The following AGAP4 variants were observed in gnomAD, a reference collection of about 807,000 sequenced individuals.
The protein encoded by AGAP4 is ArfGAP with GTPase domain, ankyrin repeat and PH domain 4.
Under a neutral mutation model 60.7 loss-of-function variants are expected in AGAP4, and 13 were observed. The ratio of observed to expected loss-of-function variants is 0.21; its 90% CI spans 0.14 to 0.34. The LOEUF (loss-of-function observed/expected upper bound fraction) is 0.34. AGAP4 is among the 10% of genes least tolerant of loss of function. The pLI is 1.00. For synonymous variants in AGAP4, 70 were observed against 339.0 expected (o/e 0.21, Z 8.72); for missense variants, 169 against 884.0 (o/e 0.19, Z 10.26).
In AGAP4 at chr10:45,831,388, G is replaced by T; in HGVS notation, c.533+6C>A. On this transcript the variant is annotated splice_donor_region_variant and intron_variant, in intron 6 of 7. Coordinates refer to ENST00000616763, the MANE Select transcript of AGAP4 (RefSeq NM_001276343.3). Reference sequence around the variant, plus strand: ...GAATAACAAGACAGGTTTCTAAAAAGCTCACCTTTGTGTGATATGATGAGG... The same window carrying T: ...GAATAACAAGACAGGTTTCTAAAAATCTCACCTTTGTGTGATATGATGAGG... The T allele has an allele frequency of 6.3e-7, 1 of 1,585,330 alleles. No homozygotes were observed. Among genetic ancestry groups the T allele is most frequent in the Non-Finnish European group, 8.5e-7 (1 of 1,170,866 alleles).
intron 4 of AGAP4, among the ~76,000 whole-genome samples, chr10:45,834,536 G>A (rs1172646528): frequency 1.7e-5 from 2 of 114,744 alleles, no homozygotes; most frequent in South Asian, 3.3e-4. Flanking sequence ...TTAGCCGGGC[G>A]TGGTAGCAGG....
At chr10:45,848,016 A>G (rs2059028516), upstream of AGAP4, 9 of 997,374 alleles carry the variant, frequency 9.0e-6, no homozygotes, top group Non-Finnish European at 1.1e-5. Context: ...TTCTATACAA[A>G]GCCTCAGTAG....
upstream of AGAP4, chr10:45,848,061 T>C: frequency 2.0e-6 from 2 of 991,470 alleles, no homozygotes; most frequent in Non-Finnish European, 2.4e-6. Context: ...TGAACAACTT[T>C]TATTTGCTGA....
At chr10:45,841,331 A>G (rs2058914847) in intron 4 of AGAP4, among the ~76,000 whole-genome samples, 1 of 148,870 alleles carries the variant, frequency 6.7e-6, no homozygotes, top group Non-Finnish European at 1.5e-5. Flanking sequence ...CAAATTCCTG[A>G]CCTCAGATGA....
intron 4 of AGAP4, among the ~76,000 whole-genome samples, chr10:45,838,092 T>C (rs1173263512): frequency 3.7e-3 from 551 of 149,816 alleles, no homozygotes; most frequent in Middle Eastern, 0.01. Context: ...TATATATATA[T>C]ATATGAGGAA....
chr10:45,843,719 GC>G (rs2058956444), intron 3 of AGAP4, among the ~76,000 whole-genome samples: 1 of 141,154 alleles, frequency 7.1e-6, no homozygotes, highest in African/African-American at 2.8e-5. Context: ...TGGCTTGTTG[GC>G]AAATAAATGA....
At chr10:45,849,173 C>A (rs1398848901), upstream of AGAP4, among the ~76,000 whole-genome samples, 3 of 149,042 alleles carry the variant, frequency 2.0e-5, no homozygotes, top group African/African-American at 7.4e-5. Context: ...CTGCAGTGAG[C>A]CAAGATCGTG....
chr10:45,829,331 C>CT (rs1342795180), intron 6 of AGAP4, among the ~76,000 whole-genome samples: 2,444 of 134,112 alleles, frequency 0.018, 152 homozygotes, highest in Non-Finnish European at 0.024. Flanking sequence ...ACCAGAAGCG[C>CT]TTTTTTTTTT....
chr10:45,831,315 G>C, intron 6 of AGAP4, 79 bp downstream of exon 6: 6 of 1,499,650 alleles, frequency 4.0e-6, no homozygotes, highest in Admixed American at 1.7e-5. Flanking sequence ...ATGATGTCTA[G>C]AGCTGTGACC....
chr10:45,831,893 C>G lies in AGAP4; in HGVS notation c.498-464G>C, dbSNP rs560844004. On this transcript the variant is annotated intron_variant, in intron 5 of 7. Coordinates refer to ENST00000616763, the MANE Select transcript of AGAP4 (RefSeq NM_001276343.3). ...AAGCTGGGACTACAAGTTTGTGCCA[C>G]TATGCCCAGATAATGTTTTTTTGGG... is the stretch of plus-strand genomic sequence containing the variant. Among the ~76,000 whole-genome samples the G allele has an allele frequency of 4.1e-5, 6 of 147,606 alleles. 1 individual carries two copies. The highest frequency in any genetic ancestry group is 1.5e-4 in the African/African-American group (6 of 40,094).
chr10:45,828,535 C>T (rs2058680775), intron 6 of AGAP4, among the ~76,000 whole-genome samples: 1 of 147,404 alleles, frequency 6.8e-6, no homozygotes, highest in African/African-American at 2.5e-5. Context: ...ACTCATCTGC[C>T]TTTTTAAGAC....
intron 4 of AGAP4, among the ~76,000 whole-genome samples, chr10:45,837,532 T>C (rs1225323748): frequency 2.0e-5 from 3 of 149,590 alleles, no homozygotes; most frequent in African/African-American, 4.9e-5. Context: ...CATACACCAA[T>C]GGAACAGAAT....
rs1395609234 is a variant in AGAP4 at position 45,846,895 on chromosome 10, C to G, written c.224-140G>C. The stretch of plus-strand genomic sequence containing the variant: ...AGCCTGGGAGAATGAGATGAGAGAG[C>G]AAGAACTGGGCGATTGGGAGGGGAG... On this transcript the variant is annotated intron_variant, in intron 1 of 7. Coordinates refer to ENST00000616763, the MANE Select transcript of AGAP4 (RefSeq NM_001276343.3). 13 of 1,144,278 alleles carry G rather than the reference C, an allele frequency of 1.1e-5. No homozygotes were observed. The African/African-American group carries it at 1.9e-4, about 17-fold the overall frequency. 70.9% of individuals were successfully genotyped at this position (1,144,278 alleles called of 1,614,324 possible).
chr10:45,853,582 A>G, intron 1 of AGAP4: 1 of 1,267,420 alleles, frequency 7.9e-7, no homozygotes, highest in South Asian at 1.3e-5. Flanking sequence ...TCAATTGTGC[A>G]ATTATCATTC....
At position 45,846,755 on chromosome 10, in the gene AGAP4, G is replaced by A; in HGVS notation, c.224C>T (p.Ala75Val). 8.2e-7 allele frequency: 1 copy of A among 1,221,236 alleles called. No homozygotes were observed. Among genetic ancestry groups the A allele is most frequent in the South Asian group, 1.6e-5 (1 of 63,316 alleles). 75.6% of individuals were successfully genotyped at this position (1,221,236 alleles called of 1,614,324 possible). ...HHVRDREMPE[A>V]LEFNLSANPE... ...ATTGGCAGAAAGGTTAAACTCCAAA[G>A]CTATATGTATAGAGGGAGAAAAGAA... The change falls in exon 2 of 8, where the codon GCT (alanine) becomes GTT (valine). Residue 75 changes from alanine (A) to valine (V), a missense_variant and splice_region_variant. Physicochemically the swap from Ala to Val is moderately conservative, Grantham distance 64. Coordinates refer to ENST00000616763, the MANE Select transcript of AGAP4 (RefSeq NM_001276343.3).
chr10:45,829,172 A>G lies in AGAP4; in HGVS notation c.534-1092T>C, dbSNP rs567490955. On this transcript the variant is annotated intron_variant, in intron 6 of 7. Coordinates refer to ENST00000616763, the MANE Select transcript of AGAP4 (RefSeq NM_001276343.3). ...CAGCATAAATCAAGGCAGTGGTACC[A>G]ATTACATTAGTAGTCATTCTATTCT... Among the ~76,000 whole-genome samples the G allele has an allele frequency of 4.9e-5, 4 of 81,544 alleles. No homozygotes were observed. In the East Asian group the frequency reaches 1.0e-3, roughly 21 times the overall value. 53.5% of individuals were successfully genotyped at this position (81,544 alleles called of 152,430 possible).
chr10:45,831,563 A>C, intron 5 of AGAP4, 134 bp from the exon 6 acceptor site: 1 of 681,678 alleles, frequency 1.5e-6, no homozygotes, highest in Admixed American at 2.8e-5. Context: ...ACAGTACCAT[A>C]AGGGCACTTT....
At chr10:45,845,991 C>G (rs1345891637) in intron 2 of AGAP4, among the ~76,000 whole-genome samples, 2 of 110,568 alleles carry the variant, frequency 1.8e-5, no homozygotes, top group Non-Finnish European at 3.7e-5. Context: ...AACAAACACT[C>G]TTACAGGGAA....
Position 45,827,258 on chromosome 10 carries a change from G to C in AGAP4, c.718C>G (p.Pro240Ala), listed in dbSNP as rs1426241117. The change falls in exon 8 of 8, where the codon CCC becomes GCC. Residue 240 changes from proline (P) to alanine (A), a missense_variant. By Grantham distance (27) the Pro-to-Ala change is conservative. Coordinates refer to ENST00000616763, the MANE Select transcript of AGAP4 (RefSeq NM_001276343.3). ...ATGGACCGCTTGCAAACGGGGGTGGGTGTGTTGGCAGTGGGAGGAACACTG... is the reference window on the plus strand; with the variant it reads ...ATGGACCGCTTGCAAACGGGGGTGGCTGTGTTGGCAGTGGGAGGAACACTG... ...QFSVPPTANT[P>A]TPVCKRSMRW... is the part of the protein sequence containing the mutation. The C allele has an allele frequency of 1.9e-4, 302 of 1,568,312 alleles. 24 individuals carry two copies. Among genetic ancestry groups the C allele is most frequent in the Middle Eastern group, 5.1e-4 (3 of 5,860 alleles).
Sources: gnomAD v4.1 joint callset for allele counts (sites outside exome capture counted in the v4.1 genomes callset) on GRCh38, gnomAD v4.1.1 for gene constraint, MANE v1.5 for transcripts, NCBI Gene and HGNC (gene_info 2026-07-23, HGNC 2026-07-21) for gene names.